PHLDB2: variants seen among roughly 807,000 people sequenced by gnomAD.
The protein encoded by PHLDB2 is pleckstrin homology like domain family B member 2.
Under a neutral mutation model 123.6 loss-of-function variants are expected in PHLDB2, and 71 were observed. The ratio of observed to expected loss-of-function variants is 0.57; its 90% CI spans 0.47 to 0.70. The LOEUF (loss-of-function observed/expected upper bound fraction) is 0.70. PHLDB2 is among the 30% of genes least tolerant of loss of function. The pLI is 0.00. For synonymous variants in PHLDB2, 547 were observed against 541.6 expected (o/e 1.01, Z -0.14); for missense variants, 1,446 against 1,519.5 (o/e 0.95, Z 0.80).
chr3:111,770,400 C>T (rs1366227824), intron 1 of PHLDB2, among the ~76,000 whole-genome samples: 2 of 152,146 alleles, frequency 1.3e-5, no homozygotes, highest in Non-Finnish European at 2.9e-5. Flanking sequence ...TTTAGTTTGG[C>T]ATCTAATTTA....
chr3:111,785,718 C>T (rs1465924796), intron 1 of PHLDB2, among the ~76,000 whole-genome samples: 2 of 152,022 alleles, frequency 1.3e-5, no homozygotes, highest in African/African-American at 2.4e-5. Flanking sequence ...ATCTAGGACA[C>T]ACCAAGAAGG....
At chr3:111,801,848 G>T (rs527539285) in intron 1 of PHLDB2, among the ~76,000 whole-genome samples, 49 of 151,158 alleles carry the variant, frequency 3.2e-4, no homozygotes, top group African/African-American at 1.2e-3. Flanking sequence ...GGAGGGAAGA[G>T]TAAGGAGTGA....
At chr3:111,825,169 T>C (rs1218385818) in intron 1 of PHLDB2, among the ~76,000 whole-genome samples, 1 of 152,204 alleles carries the variant, frequency 6.6e-6, no homozygotes, top group African/African-American at 2.4e-5. Flanking sequence ...ATCTAGGTAA[T>C]TGTCACAAGT....
intron 2 of PHLDB2, chr3:111,846,061 G>A (rs2063970141): frequency 2.0e-6 from 2 of 987,706 alleles, no homozygotes; most frequent in Non-Finnish European, 3.0e-6. Flanking sequence ...GGGGAAGAGA[G>A]CCTGAGGCTG....
intron 1 of PHLDB2, among the ~76,000 whole-genome samples, chr3:111,760,150 T>C (rs1307312566): frequency 1.3e-5 from 2 of 152,274 alleles, no homozygotes; most frequent in African/African-American, 2.4e-5. Flanking sequence ...CTAACCCATA[T>C]TCCTGACTGA....
At chr3:111,845,915 T>C (rs1483735276) in exon 2 of PHLDB2, 6 of 1,613,806 alleles carry the variant, frequency 3.7e-6, no homozygotes, top group Non-Finnish European at 5.1e-6. Context: ...GAAGATGGAG[T>C]TGGTGATGTG....
chr3:111,914,021 T>G, intron 3 of PHLDB2: 1 of 310,324 alleles, frequency 3.2e-6, no homozygotes, highest in Non-Finnish European at 6.0e-6. Flanking sequence ...CCTGCCTTCC[T>G]AATATTTTCT....
chr3:111,757,899 G>A (rs1409364796), intron 1 of PHLDB2, among the ~76,000 whole-genome samples: 1 of 152,208 alleles, frequency 6.6e-6, no homozygotes, highest in Non-Finnish European at 1.5e-5. Context: ...ATCTGCAGCG[G>A]TGGCTGCAGA....
At chr3:111,845,897 T>G (rs1245935222) in exon 2 of PHLDB2, 1 of 1,614,120 alleles carries the variant, frequency 6.2e-7, no homozygotes, top group East Asian at 2.2e-5. Context: ...AAGAGAGAGG[T>G]GCCCAAGGAA....
intron 1 of PHLDB2, among the ~76,000 whole-genome samples, chr3:111,844,410 G>T (rs79017293): frequency 0.1 from 15,460 of 151,980 alleles, 1,025 homozygotes; most frequent in South Asian, 0.17. Context: ...ATTTCTGTTC[G>T]TAGATAATGG....
intron 1 of PHLDB2, among the ~76,000 whole-genome samples, chr3:111,751,518 A>G (rs921355728): frequency 1.1e-4 from 17 of 152,056 alleles, no homozygotes; most frequent in Admixed American, 5.2e-4. Context: ...GTGCCCAGGA[A>G]AAATTTAAAT....
At chr3:111,947,896 G>T (rs1208881479) in intron 9 of PHLDB2, among the ~76,000 whole-genome samples, 1 of 152,148 alleles carries the variant, frequency 6.6e-6, no homozygotes, top group East Asian at 1.9e-4. Context: ...TTTGTAAAAG[G>T]ATTGATGGAG....
At chr3:111,964,123 A>G (rs925820631) in intron 13 of PHLDB2, among the ~76,000 whole-genome samples, 1 of 152,178 alleles carries the variant, frequency 6.6e-6, no homozygotes, top group African/African-American at 2.4e-5. Context: ...TACTATTAGT[A>G]GTTTCTGACC....
At chr3:111,898,249 G>C (rs995737185) in intron 2 of PHLDB2, among the ~76,000 whole-genome samples, 3 of 151,116 alleles carry the variant, frequency 2.0e-5, no homozygotes, top group African/African-American at 4.9e-5. Context: ...GTGTGATCTT[G>C]GCTCACTGCT....
intron 2 of PHLDB2, among the ~76,000 whole-genome samples, chr3:111,897,378 A>G (rs1233657249): frequency 1.3e-5 from 2 of 152,124 alleles, no homozygotes; most frequent in Non-Finnish European, 2.9e-5. Context: ...TTTTCCCCAT[A>G]TAATGTACAG....
At chr3:111,891,045 AG>A (rs1386013818) in intron 2 of PHLDB2, among the ~76,000 whole-genome samples, 1 of 152,144 alleles carries the variant, frequency 6.6e-6, no homozygotes, top group Non-Finnish European at 1.5e-5. Context: ...TTTAGTTCAT[AG>A]ACCTTGTGAC....
At chr3:111,750,204 C>A (rs2059746108) in intron 1 of PHLDB2, among the ~76,000 whole-genome samples, 1 of 152,138 alleles carries the variant, frequency 6.6e-6, no homozygotes, top group Non-Finnish European at 1.5e-5. Flanking sequence ...GTAGGATATT[C>A]ATATTTAAAA....
chr3:111,942,670 G>C (rs2107606410), intron 8 of PHLDB2, among the ~76,000 whole-genome samples: 1 of 152,214 alleles, frequency 6.6e-6, no homozygotes, highest in Non-Finnish European at 1.5e-5. Context: ...GTGCAGTGAA[G>C]TGCTTCTAAA....
At chr3:111,808,496 T>G (rs1261343351) in intron 1 of PHLDB2, among the ~76,000 whole-genome samples, 7 of 151,038 alleles carry the variant, frequency 4.6e-5, no homozygotes, top group Non-Finnish European at 8.8e-5. Context: ...TTCTGGGTTT[T>G]TTTTTTTTTC....
Sources: gnomAD v4.1 joint callset for allele counts (sites outside exome capture counted in the v4.1 genomes callset) on GRCh38, gnomAD v4.1.1 for gene constraint, MANE v1.5 for transcripts, NCBI Gene and HGNC (gene_info 2026-07-23, HGNC 2026-07-21) for gene names.